The following SRR variants were observed in gnomAD, a reference collection of about 807,000 sequenced individuals.
SRR encodes the protein serine racemase.
SRR carries 19 observed loss-of-function variants against 32.7 expected under a neutral mutation model. The ratio of observed to expected loss-of-function variants is 0.58; its 90% CI spans 0.40 to 0.85. The LOEUF (loss-of-function observed/expected upper bound fraction) is 0.85. Among genes scored for constraint, SRR ranks in the 40% least tolerant of loss-of-function variants. SRR has a pLI of 0.00. For synonymous variants in SRR, 142 were observed against 140.9 expected (o/e 1.01, Z -0.06); for missense variants, 373 against 404.7 (o/e 0.92, Z 0.67).
At chr17:2,303,610 A>T (rs576033667), upstream of SRR, 1 of 1,427,638 alleles carries the variant, frequency 7.0e-7, no homozygotes, top group Non-Finnish European at 9.1e-7. Flanking sequence ...GGCCCGGCCC[A>T]GGAGCTGGGC....
chr17:2,317,786 A>G (rs1326718591), intron 2 of SRR, 84 bp from the exon 3 acceptor site: 3 of 1,430,158 alleles, frequency 2.1e-6, no homozygotes, highest in Non-Finnish European at 2.9e-6. Flanking sequence ...TGTGCATGTT[A>G]AGGATAGAAA....
chr17:2,303,446 C>G, upstream of SRR: 1 of 1,303,358 alleles, frequency 7.7e-7, no homozygotes, highest in Non-Finnish European at 9.7e-7. Context: ...CAGGACTGGC[C>G]GAGCCCGACC....
intron 4 of SRR, among the ~76,000 whole-genome samples, chr17:2,319,927 T>C (rs1439953961): frequency 6.6e-6 from 1 of 151,292 alleles, no homozygotes; most frequent in Non-Finnish European, 1.5e-5. Context: ...CCAGCGATTC[T>C]CTTGCCTCAG....
chr17:2,311,633 G>A (rs1437380740), intron 1 of SRR, among the ~76,000 whole-genome samples: 3 of 151,962 alleles, frequency 2.0e-5, no homozygotes, highest in Non-Finnish European at 4.4e-5. Context: ...AAGAGACCCC[G>A]TCTCAGTAAA....
In SRR at chr17:2,324,350, C is replaced by T; in HGVS notation, c.*477C>T. The T allele has an allele frequency of 6.4e-7, 1 of 1,564,440 alleles. No homozygotes were observed. The highest frequency in any genetic ancestry group is 8.6e-7 in the Non-Finnish European group (1 of 1,159,010). On this transcript the variant is annotated 3_prime_UTR_variant, in exon 8 of 8. Transcript: ENST00000344595. The stretch of plus-strand genomic sequence containing the variant: ...TTGAGATTTTAGCTTCCCATCAAAG[C>T]TGCATTTCATGTGGCCATGGGTACC...
chr17:2,307,912 A>T (rs2075404031), intron 1 of SRR, among the ~76,000 whole-genome samples: 1 of 152,152 alleles, frequency 6.6e-6, no homozygotes, highest in Non-Finnish European at 1.5e-5. Flanking sequence ...GTTGTATAAC[A>T]GGTTGTTTTA....
chr17:2,303,703 CT>C, upstream of SRR: 1 of 1,494,344 alleles, frequency 6.7e-7, no homozygotes, highest in South Asian at 1.3e-5. Flanking sequence ...TCCGCACACG[CT>C]CCAGCCCTTC....
Position 2,323,633 on chromosome 17 carries a change from C to T in SRR, c.805-22C>T, listed in dbSNP as rs998509389. Reference sequence around the variant, plus strand: ...AACTAGACTCCCCTTTCACTAATTCCTACTCCCTTCCATATCAACAGTGTG... The same window carrying T: ...AACTAGACTCCCCTTTCACTAATTCTTACTCCCTTCCATATCAACAGTGTG... On this transcript the variant is annotated intron_variant, in intron 7 of 7. Transcript: ENST00000344595. The T allele has an allele frequency of 5.6e-6, 9 of 1,611,548 alleles. No individual in the cohort carries two copies. The Admixed American group carries it at 1.3e-4, about 24-fold the overall frequency.
chr17:2,319,037 T>TTTCTGTTAGCATGCTCAACC (rs1668885114), intron 4 of SRR, 108 bp downstream of exon 4: 5 of 702,204 alleles, frequency 7.1e-6, no homozygotes, highest in Non-Finnish European at 1.2e-5. Flanking sequence ...TTCCCCTTTA[T>TTTCTGTTAGCATGCTCAACC]TTCTGTTAGC....
intron 1 of SRR, among the ~76,000 whole-genome samples, chr17:2,306,533 A>G (rs1443498839): frequency 6.6e-6 from 1 of 152,074 alleles, no homozygotes; most frequent in Non-Finnish European, 1.5e-5. Flanking sequence ...CCTGGCCAAC[A>G]TGGCGAAACC....
At chr17:2,314,460 G>A (rs2075455707) in intron 1 of SRR, among the ~76,000 whole-genome samples, 1 of 152,074 alleles carries the variant, frequency 6.6e-6, no homozygotes, top group African/African-American at 2.4e-5. Context: ...GCAGGTGCCT[G>A]TAGTCCCAGC....
chr17:2,322,673 TTTTG>T (rs1183680361), intron 6 of SRR: 1 of 93,610 alleles, frequency 1.1e-5, no homozygotes, highest in Non-Finnish European at 2.3e-5. Flanking sequence ...GCTAGTTTTT[TTTTG>T]TTTTTTTTTT....
chr17:2,303,500 C>A (rs891179285), upstream of SRR: 99 of 1,327,590 alleles, frequency 7.5e-5, no homozygotes, highest in Non-Finnish European at 8.9e-5. Flanking sequence ...GGGTCCGCCG[C>A]GGCCCCAGCG....
At chr17:2,317,781 A>T (rs868576872) in intron 2 of SRR, 89 bp from the exon 3 acceptor site, 5 of 1,349,994 alleles carry the variant, frequency 3.7e-6, no homozygotes, top group Non-Finnish European at 5.2e-6. Context: ...TTGGATGTGC[A>T]TGTTAAGGAT....
At position 2,323,180 on chromosome 17, in the gene SRR, T is replaced by C; in HGVS notation, c.639T>C (p.Asn213=). Residue 213 remains asparagine, a synonymous_variant, in exon 7 of 8, where the codon AAT becomes AAC. Coordinates refer to ENST00000344595, the MANE Select transcript of SRR (RefSeq NM_021947.3). ...SVKVYAAEPS[N]ADDCYQSKLK... ...AGGTATATGCTGCTGAACCCTCAAA[T>C]GCAGATGACTGCTACCAGTCCAAGC... 1 of 1,614,206 alleles carries C rather than the reference T, an allele frequency of 6.2e-7. No homozygotes were observed. The highest frequency in any genetic ancestry group is 1.3e-5 in the African/African-American group (1 of 75,056).
intron 1 of SRR, among the ~76,000 whole-genome samples, chr17:2,311,335 A>T (rs1424423992): frequency 1.3e-5 from 2 of 152,030 alleles, no homozygotes; most frequent in Admixed American, 1.3e-4. Flanking sequence ...AATTGACATT[A>T]AAAAATATTG....
At chr17:2,307,334 G>A (rs2075398359) in intron 1 of SRR, 6 of 1,051,766 alleles carry the variant, frequency 5.7e-6, no homozygotes, top group Non-Finnish European at 5.9e-6. Flanking sequence ...GCTTCATCCA[G>A]CCAAAGAGGT....
At chr17:2,314,525 G>A (rs1357495839) in intron 1 of SRR, among the ~76,000 whole-genome samples, 1 of 150,854 alleles carries the variant, frequency 6.6e-6, no homozygotes, top group Non-Finnish European at 1.5e-5. Flanking sequence ...GGAGCTTGCA[G>A]TGAGCCGAGA....
chr17:2,303,583 G>A (rs2075339909), upstream of SRR: 11 of 1,376,034 alleles, frequency 8.0e-6, no homozygotes, highest in Non-Finnish European at 1.0e-5. Context: ...GAGGAGGAGA[G>A]GGAGGCGGGG....
Sources: allele counts gnomAD v4.1 joint callset (sites outside exome capture counted in the v4.1 genomes callset), GRCh38; gene constraint gnomAD v4.1.1; transcripts MANE v1.5; gene names NCBI Gene and HGNC (gene_info 2026-07-23, HGNC 2026-07-21).